Variants in GRAMD1B observed in about 807,000 individuals in gnomAD.
The protein encoded by GRAMD1B is protein Aster-B.
In GRAMD1B, 37 loss-of-function variants were observed where a neutral mutation model predicts 99.7. The ratio of observed to expected loss-of-function variants is 0.37; its 90% CI spans 0.29 to 0.49. The LOEUF is 0.49. Among genes scored for constraint, GRAMD1B ranks in the 20% least tolerant of loss-of-function variants. The pLI, the probability that GRAMD1B is intolerant of heterozygous loss-of-function variation, is 0.98. For missense variants in GRAMD1B, 888 were observed against 1,009.2 expected, an observed-to-expected ratio of 0.88 and a Z score of 1.63; for synonymous variants, 427 against 387.6, an observed-to-expected ratio of 1.10 and a Z score of -1.19.
intron 1 of GRAMD1B, among the ~76,000 whole-genome samples, chr11:123,473,715 A>G (rs1330577643): frequency 6.6e-6 from 1 of 152,198 alleles, no homozygotes; most frequent in South Asian, 2.1e-4. Flanking sequence ...AGCAGAAGTG[A>G]ACCTTCTAAC....
At chr11:123,385,836 GA>G (rs1947036834) in intron 1 of GRAMD1B, among the ~76,000 whole-genome samples, 2 of 152,170 alleles carry the variant, frequency 1.3e-5, no homozygotes, top group African/African-American at 4.8e-5. Flanking sequence ...CTGGAGATCG[GA>G]GGTCCTTCCC....
In GRAMD1B at chr11:123,622,667, TAA is replaced by T. The variant is rs1955275088; in HGVS notation, c.*74_*75del. On this transcript the variant is annotated 3_prime_UTR_variant, in exon 20 of 20. Coordinates refer to ENST00000635736, the MANE Select transcript of GRAMD1B (RefSeq NM_001387025.1). ...CATAGACCATATAAATATATATATA[TAA>T]ATATATATATATACAGAATATAAAT... is the stretch of plus-strand genomic sequence containing the variant. The T allele has an allele frequency of 4.1e-5, 14 of 342,508 alleles. No homozygotes were observed. The highest frequency in any genetic ancestry group is 1.7e-4 in the South Asian group (3 of 17,156). The allele number at this position is 342,508 out of a possible 1,614,324, so 21.2% of individuals were successfully genotyped here.
intron 1 of GRAMD1B, chr11:123,459,455 A>T (rs1393091621): frequency 6.6e-6 from 1 of 152,008 alleles, no homozygotes; most frequent in Non-Finnish European, 1.5e-5. Flanking sequence ...GGGTTTTGCC[A>T]TGTTGTCTAG....
At chr11:123,474,920 A>C (rs971699417) in intron 1 of GRAMD1B, among the ~76,000 whole-genome samples, 1 of 152,196 alleles carries the variant, frequency 6.6e-6, no homozygotes, top group African/African-American at 2.4e-5. Flanking sequence ...ACTGCATTAC[A>C]GCCTACATGC....
chr11:123,397,408 A>AAAAACAAAACAAAAC (rs148210099), intron 1 of GRAMD1B, among the ~76,000 whole-genome samples: 3,148 of 150,692 alleles, frequency 0.021, 102 homozygotes, highest in African/African-American at 0.073. Flanking sequence ...CTCTGTCTCA[A>AAAAACAAAACAAAAC]AAAACAAAAC....
In GRAMD1B at chr11:123,599,765, G is replaced by A. The variant is rs191127404; in HGVS notation, c.970-703G>A. On this transcript the variant is annotated intron_variant, in intron 7 of 19. Transcript: ENST00000635736. ...TGGGATTACAGGCGTAAGCCATGGC[G>A]CTCTGCCTGGTTTGACCTATATTTT... is the stretch of plus-strand genomic sequence containing the variant. Among the ~76,000 whole-genome samples the A allele has an allele frequency of 2.4e-4, 37 of 152,310 alleles. No individual in the cohort carries two copies. The East Asian group carries it at 6.4e-3, about 26-fold the overall frequency.
At chr11:123,494,435 T>A (rs80156150) in intron 2 of GRAMD1B, among the ~76,000 whole-genome samples, 2 of 150,198 alleles carry the variant, frequency 1.3e-5, no homozygotes, top group Non-Finnish European at 1.5e-5. Context: ...TTTTTTTTTT[T>A]AGGTCTGAGC....
At chr11:123,531,726 G>C (rs1445115806) in intron 2 of GRAMD1B, among the ~76,000 whole-genome samples, 1 of 134,680 alleles carries the variant, frequency 7.4e-6, no homozygotes, top group African/African-American at 2.8e-5. Flanking sequence ...CATATTGCTA[G>C]ATGGTTTTTT....
chr11:123,499,674 A>C (rs548241478), intron 2 of GRAMD1B, among the ~76,000 whole-genome samples: 1 of 151,986 alleles, frequency 6.6e-6, no homozygotes, highest in Non-Finnish European at 1.5e-5. Flanking sequence ...TTCCACTGAG[A>C]TGTGGAGAAA....
intron 1 of GRAMD1B, among the ~76,000 whole-genome samples, chr11:123,413,902 G>T (rs948452932): frequency 2.6e-5 from 4 of 152,216 alleles, no homozygotes; most frequent in Admixed American, 2.6e-4. Flanking sequence ...TCAGAAAAAA[G>T]TGGTTGTTCT....
At chr11:123,551,241 G>GT (rs1171841660) in intron 2 of GRAMD1B, among the ~76,000 whole-genome samples, 5 of 152,144 alleles carry the variant, frequency 3.3e-5, no homozygotes, top group Admixed American at 1.3e-4. Context: ...AGGGAGGGGC[G>GT]TTTTTTTGGG....
In GRAMD1B at chr11:123,610,783, A is replaced by G. The variant is rs2136957894; in HGVS notation, c.1919+445A>G. On this transcript the variant is annotated intron_variant, in intron 14 of 19. Coordinates refer to ENST00000635736, the MANE Select transcript of GRAMD1B (RefSeq NM_001387025.1). The surrounding 1 kb of genome is among the most constrained non-coding windows in gnomAD (Gnocchi z 4.1). ...GTGCTCTGTCCACCATGCTGCGTGG[A>G]TTGCCATTAGTGTTAGACAGTGAGC... 6.6e-6 allele frequency among the ~76,000 whole-genome samples: 1 copy of G among 152,294 alleles called. No homozygotes were observed. The highest frequency in any genetic ancestry group is 1.9e-4 in the East Asian group (1 of 5,174).
chr11:123,478,945 G>C (rs1951442639), intron 1 of GRAMD1B, among the ~76,000 whole-genome samples: 1 of 152,182 alleles, frequency 6.6e-6, no homozygotes. Context: ...TTGTATATAA[G>C]GGGATGCTTG....
chr11:123,552,965 T>C (rs1295444877), intron 2 of GRAMD1B, among the ~76,000 whole-genome samples: 1 of 152,252 alleles, frequency 6.6e-6, no homozygotes, highest in Non-Finnish European at 1.5e-5. Flanking sequence ...CTATGTTTTC[T>C]AAAGTTATTT....
chr11:123,376,933 T>G (rs1217705522), intron 1 of GRAMD1B, among the ~76,000 whole-genome samples: 1 of 152,206 alleles, frequency 6.6e-6, no homozygotes, highest in Non-Finnish European at 1.5e-5. Flanking sequence ...AAGTAACAGG[T>G]GTGAAATTAG....
intron 2 of GRAMD1B, among the ~76,000 whole-genome samples, chr11:123,550,328 T>G (rs972966879): frequency 6.6e-6 from 1 of 152,050 alleles, no homozygotes; most frequent in Non-Finnish European, 1.5e-5. Flanking sequence ...TTGCCTTGAC[T>G]TCTTTGGTTT....
intron 3 of GRAMD1B, among the ~76,000 whole-genome samples, chr11:123,579,549 T>C: frequency 6.6e-6 from 1 of 152,162 alleles, no homozygotes; most frequent in East Asian, 1.9e-4. Context: ...CAGGCATATC[T>C]GATATCTGGG....
At chr11:123,542,605 A>G (rs571462442) in intron 2 of GRAMD1B, among the ~76,000 whole-genome samples, 70 of 152,336 alleles carry the variant, frequency 4.6e-4, no homozygotes, top group African/African-American at 1.6e-3. Context: ...TTGTGGAATG[A>G]GGTCATTCTA....
intron 1 of GRAMD1B, among the ~76,000 whole-genome samples, chr11:123,379,319 C>T (rs1450553620): frequency 6.6e-6 from 1 of 152,090 alleles, no homozygotes; most frequent in Non-Finnish European, 1.5e-5. Context: ...CTTTCGTTGA[C>T]GGATGATGCC....
Sources: gnomAD v4.1 joint callset for allele counts (sites outside exome capture counted in the v4.1 genomes callset) on GRCh38, gnomAD v4.1.1 for gene constraint, Gnocchi (gnomAD v3.1) non-coding constraint, MANE v1.5 for transcripts, NCBI Gene and HGNC (gene_info 2026-07-23, HGNC 2026-07-21) for gene names.